Variants in CA1 observed in about 807,000 individuals in gnomAD.
CA1 encodes carbonic anhydrase 1, also known as carbonate dehydratase I.
CA1 carries 27 observed loss-of-function variants against 28.8 expected under a neutral mutation model. The ratio of observed to expected loss-of-function variants is 0.94; its 90% CI spans 0.69 to 1.29. The LOEUF (loss-of-function observed/expected upper bound fraction) is 1.29. CA1 is among the 50% of genes most tolerant of loss of function. The probability of loss-of-function intolerance (pLI) is 0.00; values close to 1 mark genes in which losing one functional copy is unlikely to be tolerated. For missense variants in CA1, 335 were observed against 310.5 expected (o/e 1.08, Z -0.59); for synonymous variants, 121 against 108.8 (o/e 1.11, Z -0.70).
chr8:85,366,537 T>C (rs1484991432), intron 1 of CA1, among the ~76,000 whole-genome samples: 1 of 152,238 alleles, frequency 6.6e-6, no homozygotes, highest in African/African-American at 2.4e-5. Flanking sequence ...AAGCACGAAG[T>C]ACTCCAATAA....
chr8:85,369,761 G>A (rs185579511), intron 1 of CA1, among the ~76,000 whole-genome samples: 1 of 146,980 alleles, frequency 6.8e-6, no homozygotes, highest in Non-Finnish European at 1.5e-5. Flanking sequence ...CTGGCACTAT[G>A]GTGGGTTAAT....
At chr8:85,365,969 G>C (rs372663961) in intron 1 of CA1, among the ~76,000 whole-genome samples, 2 of 152,112 alleles carry the variant, frequency 1.3e-5, no homozygotes, top group East Asian at 1.9e-4. Flanking sequence ...TTGGCTCCCT[G>C]AGTGGGTGCA....
At chr8:85,370,975 G>A (rs565786092) in intron 1 of CA1, among the ~76,000 whole-genome samples, 26 of 152,192 alleles carry the variant, frequency 1.7e-4, no homozygotes, top group African/African-American at 5.8e-4. Context: ...TATCACCTTT[G>A]GTTGTCTGCA....
At chr8:85,359,266 C>G (rs1411673055) in intron 1 of CA1, among the ~76,000 whole-genome samples, 1 of 152,112 alleles carries the variant, frequency 6.6e-6, no homozygotes, top group African/African-American at 2.4e-5. Flanking sequence ...GCTTTTGAGG[C>G]AAGAAAGGCC....
At chr8:85,333,677 AGTTAT>A (rs1808509905) in intron 4 of CA1, 57 bp from the exon 5 acceptor site, 1 of 1,120,986 alleles carries the variant, frequency 8.9e-7, no homozygotes, top group East Asian at 2.5e-5. Context: ...AAAAAAGATA[AGTTAT>A]AAGTTAACTT....
intron 1 of CA1, among the ~76,000 whole-genome samples, chr8:85,375,983 GT>G (rs961684363): frequency 6.6e-6 from 1 of 152,192 alleles, no homozygotes; most frequent in Admixed American, 6.5e-5. Flanking sequence ...ATTCAGTCGA[GT>G]AGTGAATAAT....
chr8:85,359,095 ACAAGT>A (rs1809703361), intron 1 of CA1, among the ~76,000 whole-genome samples: 1 of 152,208 alleles, frequency 6.6e-6, no homozygotes, highest in African/African-American at 2.4e-5. Flanking sequence ...AGAACCTTAC[ACAAGT>A]CAAGTTACTG....
chr8:85,357,778 C>A (rs1809655085), intron 1 of CA1, among the ~76,000 whole-genome samples: 1 of 152,044 alleles, frequency 6.6e-6, no homozygotes, highest in Non-Finnish European at 1.5e-5. Flanking sequence ...TCCAAAGAAC[C>A]CCTGAAATGA....
chr8:85,363,020 T>C (rs1313274077), intron 1 of CA1, among the ~76,000 whole-genome samples: 1 of 152,224 alleles, frequency 6.6e-6, no homozygotes, highest in East Asian at 1.9e-4. Flanking sequence ...TAATGTGAGT[T>C]TTATTTTATA....
chr8:85,344,041 G>A (rs1809028629), intron 1 of CA1, among the ~76,000 whole-genome samples: 1 of 139,382 alleles, frequency 7.2e-6, no homozygotes, highest in Admixed American at 7.4e-5. Context: ...CTACCAAGAA[G>A]GAGTTTAATC....
chr8:85,337,495 T>C (rs1808711139), intron 3 of CA1, among the ~76,000 whole-genome samples: 1 of 152,190 alleles, frequency 6.6e-6, no homozygotes, highest in South Asian at 2.1e-4. Flanking sequence ...ACTGTGTAAC[T>C]GATGAAGACA....
chr8:85,363,481 A>G (rs1315670715), intron 1 of CA1, among the ~76,000 whole-genome samples: 2 of 152,148 alleles, frequency 1.3e-5, no homozygotes, highest in Non-Finnish European at 2.9e-5. Flanking sequence ...CTTGCCTCCA[A>G]ATGAATTGGT....
At chr8:85,354,210 A>G (rs1350153513) in intron 1 of CA1, among the ~76,000 whole-genome samples, 1 of 151,668 alleles carries the variant, frequency 6.6e-6, no homozygotes, top group African/African-American at 2.4e-5. Flanking sequence ...CCTGACCTCA[A>G]GTGATCCACC....
At chr8:85,357,504 A>C in intron 1 of CA1, among the ~76,000 whole-genome samples, 1 of 152,226 alleles carries the variant, frequency 6.6e-6, no homozygotes, top group East Asian at 1.9e-4. Flanking sequence ...CCTGGTACTT[A>C]CAGTATGATT....
chr8:85,332,990 A>G (rs1808474312), intron 5 of CA1, among the ~76,000 whole-genome samples: 1 of 152,178 alleles, frequency 6.6e-6, no homozygotes, highest in Non-Finnish European at 1.5e-5. Flanking sequence ...ACCCAATTTA[A>G]TAATAACTTT....
chr8:85,369,024 G>T (rs769260013), intron 1 of CA1, among the ~76,000 whole-genome samples: 3 of 152,132 alleles, frequency 2.0e-5, no homozygotes, highest in Non-Finnish European at 4.4e-5. Flanking sequence ...CTCAGTGGCA[G>T]ATCAGGACAC....
At chr8:85,369,643 C>G (rs576655567) in intron 1 of CA1, among the ~76,000 whole-genome samples, 27 of 152,176 alleles carry the variant, frequency 1.8e-4, no homozygotes, top group Non-Finnish European at 3.1e-4. Flanking sequence ...AATAGCTAGT[C>G]CATCTTTGGT....
At chr8:85,363,970 A>ATTTCT (rs1809907408) in intron 1 of CA1, among the ~76,000 whole-genome samples, 2 of 151,552 alleles carry the variant, frequency 1.3e-5, no homozygotes, top group South Asian at 4.2e-4. Context: ...TTGTCCCCAA[A>ATTTCT]TTTCTTTTCT....
Position 85,329,837 on chromosome 8 carries a change from C to T in CA1, c.521G>A (p.Arg174Gln), listed in dbSNP as rs755960290. The stretch of plus-strand genomic sequence containing the variant: ...GGGGTCAAAATTTGTGAATGGGGCT[C>T]GTTTGCCCTGGAAGAAAAGAATACA... ...ALQAIKTKGK[R>Q]APFTNFDPST... The change falls in exon 7 of 8, where the codon CGA (arginine) becomes CAA (glutamine). Residue 174 changes from arginine (R) to glutamine (Q), a missense_variant. Coordinates refer to ENST00000523022, the MANE Select transcript of CA1 (RefSeq NM_001128831.4). The T allele has an allele frequency of 7.6e-6, 12 of 1,588,152 alleles. No individual in the cohort carries two copies. The highest frequency in any genetic ancestry group is 4.6e-5 in the East Asian group (2 of 43,836).
Sources: allele counts gnomAD v4.1 joint callset (sites outside exome capture counted in the v4.1 genomes callset), GRCh38; gene constraint gnomAD v4.1.1; transcripts MANE v1.5; gene names NCBI Gene and HGNC (gene_info 2026-07-23, HGNC 2026-07-21).